The following PROM1 variants were observed in gnomAD, a reference collection of about 807,000 sequenced individuals.
PROM1 encodes the protein prominin-1.
Under a neutral mutation model 116.9 loss-of-function variants are expected in PROM1, and 105 were observed. That is an observed-to-expected ratio of 0.90 (90% CI 0.77 to 1.06). PROM1 has a LOEUF of 1.06. PROM1 is among the 50% of genes least tolerant of loss of function. PROM1 has a pLI of 0.00. For missense variants in PROM1, 1,122 were observed against 1,045.2 expected (o/e 1.07, Z -1.01); for synonymous variants, 393 against 387.0 (o/e 1.02, Z -0.18).
chr4:16,071,543 G>T (rs1197337294), intron 2 of PROM1, among the ~76,000 whole-genome samples: 2 of 152,158 alleles, frequency 1.3e-5, no homozygotes, highest in Non-Finnish European at 2.9e-5. Context: ...TAGGTCATAA[G>T]GGTGAGACCT....
chr4:16,018,008 A>G (rs1410849204), intron 9 of PROM1, among the ~76,000 whole-genome samples: 1 of 29,722 alleles, frequency 3.4e-5, no homozygotes. Flanking sequence ...CTAGGCACAT[A>G]TTTAAAAATT....
At position 16,075,897 on chromosome 4, in the gene PROM1, C is replaced by T. The variant is rs369512916; in HGVS notation, c.10G>A (p.Val4Ile). The T allele has an allele frequency of 8.7e-6, 14 of 1,610,330 alleles. No individual in the cohort carries two copies. The highest frequency in any genetic ancestry group is 1.7e-5 in the Admixed American group (1 of 59,704). The change falls in exon 2 of 28, where the codon GTA (valine) becomes ATA (isoleucine). Residue 4 changes from valine to isoleucine, a missense_variant. By Grantham distance (29) the Val-to-Ile change is conservative (BLOSUM62 3). Coordinates refer to ENST00000447510, the MANE Select transcript of PROM1 (RefSeq NM_006017.3). MAL[V>I]LGSLLLLGLC... ...CCCAGCAGCAACAGGGAGCCGAGTA[C>T]GAGGGCCATAGCTAGCAAGATCCTC...
intron 22 of PROM1, 50 bp from the exon 23 acceptor site, chr4:15,984,405 CA>C: frequency 7.4e-7 from 1 of 1,344,684 alleles, no homozygotes; most frequent in Middle Eastern, 1.8e-4. Context: ...CACAAAAACC[CA>C]AAGGAATGAG....
intron 11 of PROM1, 37 bp from the exon 12 acceptor site, chr4:16,009,145 C>G: frequency 6.3e-7 from 1 of 1,579,470 alleles, no homozygotes; most frequent in Non-Finnish European, 8.6e-7. Context: ...CATTTGCAAA[C>G]ATGGAGGAAA....
At chr4:16,077,976 A>T (rs2138844) in intron 1 of PROM1, 93,326 of 152,074 alleles carry the variant, frequency 0.61, 30,273 homozygotes, top group Non-Finnish European at 0.72. Context: ...CATGTGCAAC[A>T]CTGGAACCTG....
chr4:16,078,154 C>T (rs927384117), intron 1 of PROM1: 8 of 152,330 alleles, frequency 5.3e-5, no homozygotes, highest in South Asian at 2.1e-4. Flanking sequence ...GTGGCTCCAG[C>T]ATCTGGGAAG....
At chr4:16,067,772 G>A (rs1019540637) in intron 2 of PROM1, among the ~76,000 whole-genome samples, 2 of 152,128 alleles carry the variant, frequency 1.3e-5, no homozygotes, top group Non-Finnish European at 2.9e-5. Flanking sequence ...TCACTCAGCC[G>A]CCCCTTTCCT....
At chr4:16,007,876 T>C (rs1299126287) in intron 12 of PROM1, among the ~76,000 whole-genome samples, 1 of 152,138 alleles carries the variant, frequency 6.6e-6, no homozygotes, top group Non-Finnish European at 1.5e-5. Flanking sequence ...TCCCTGGAGC[T>C]CGTTGTTTGT....
At chr4:16,021,613 T>G (rs546367695) in intron 8 of PROM1, among the ~76,000 whole-genome samples, 17 of 152,284 alleles carry the variant, frequency 1.1e-4, no homozygotes, top group Admixed American at 3.3e-4. Context: ...GCACGAGGGA[T>G]CCAGGCTGCA....
At chr4:16,026,109 C>CA (rs1190904172) in intron 5 of PROM1, among the ~76,000 whole-genome samples, 1 of 151,946 alleles carries the variant, frequency 6.6e-6, no homozygotes, top group African/African-American at 2.4e-5. Context: ...AAATATACTT[C>CA]AAAAAAAGCT....
intron 19 of PROM1, 126 bp downstream of exon 19, chr4:15,989,606 G>A (rs971626781): frequency 3.0e-4 from 235 of 794,236 alleles, no homozygotes; most frequent in Admixed American, 4.9e-4. Flanking sequence ...TCAACTTCTG[G>A]GGCTGAAGCC....
rs140652931 is a variant in PROM1 at position 15,969,584 on chromosome 4, A to G, written c.*25-216T>C. Among the ~76,000 whole-genome samples, 637 of 152,178 alleles carry G rather than the reference A, an allele frequency of 4.2e-3. 2 individuals carry two copies. The highest frequency in any genetic ancestry group is 6.8e-3 in the Middle Eastern group (2 of 294). ...TTTGTGGTTTTTGTTTATTTATCTT[A>G]TTTTATTTATTTATTTTTTTGAGAG... On this transcript the variant is annotated intron_variant, in intron 27 of 27. Coordinates refer to ENST00000447510, the MANE Select transcript of PROM1 (RefSeq NM_006017.3).
At chr4:16,068,405 T>C (rs1459073935) in intron 2 of PROM1, among the ~76,000 whole-genome samples, 2 of 152,250 alleles carry the variant, frequency 1.3e-5, no homozygotes, top group Non-Finnish European at 2.9e-5. Flanking sequence ...AACAGGCCAG[T>C]TGCTATTGGC....
At chr4:16,065,365 A>T (rs1429395427) in intron 2 of PROM1, among the ~76,000 whole-genome samples, 1 of 151,588 alleles carries the variant, frequency 6.6e-6, no homozygotes, top group Non-Finnish European at 1.5e-5. Flanking sequence ...TGTGTCTTGA[A>T]CTCTTCCACA....
chr4:16,036,247 T>C (rs571175245), intron 3 of PROM1, among the ~76,000 whole-genome samples: 2 of 152,358 alleles, frequency 1.3e-5, no homozygotes, highest in East Asian at 1.9e-4. Flanking sequence ...CAATGTTTGA[T>C]TTTAAATGTC....
rs1402560927 is a variant in PROM1, at chr4:16,023,472, C to T, written c.695-57G>A. 13 of 1,323,528 alleles carry T rather than the reference C, an allele frequency of 9.8e-6. No homozygotes were observed. In the Admixed American group the frequency reaches 1.2e-4, roughly 12 times the overall value. The allele number at this position is 1,323,528 out of a possible 1,614,324, so 82.0% of individuals were successfully genotyped here. On this transcript the variant is annotated intron_variant, in intron 7 of 27. Transcript: ENST00000447510. ...GTGGCCTCTGCTCATCTCTCCACCCCTCCCTCATTCTCTCCACACTGCCTC... is the reference window on the plus strand; with the variant it reads ...GTGGCCTCTGCTCATCTCTCCACCCTTCCCTCATTCTCTCCACACTGCCTC...
At chr4:16,005,073 G>A (rs145088193) in intron 13 of PROM1, among the ~76,000 whole-genome samples, 2,057 of 146,954 alleles carry the variant, frequency 0.014, 37 homozygotes, top group East Asian at 0.11. Context: ...GGTGATTCTC[G>A]TGCCTCAGCC....
chr4:16,009,384 C>A (rs1219477078), intron 11 of PROM1, among the ~76,000 whole-genome samples: 6 of 152,170 alleles, frequency 3.9e-5, no homozygotes, highest in African/African-American at 1.2e-4. Flanking sequence ...TAAAGTAGAT[C>A]AAGTGATTAA....
intron 4 of PROM1, among the ~76,000 whole-genome samples, chr4:16,034,728 C>T (rs1173635445): frequency 6.6e-6 from 1 of 152,096 alleles, no homozygotes; most frequent in Non-Finnish European, 1.5e-5. Context: ...TAGACAGCTG[C>T]GAATTCTGAA....
Sources: gnomAD v4.1 joint callset for allele counts (sites outside exome capture counted in the v4.1 genomes callset) on GRCh38, gnomAD v4.1.1 for gene constraint, MANE v1.5 for transcripts, NCBI Gene and HGNC (gene_info 2026-07-23, HGNC 2026-07-21) for gene names.